The following TP63 variants were observed in gnomAD, a reference collection of about 807,000 sequenced individuals.
The protein encoded by TP63 is tumor protein p63.
TP63 carries 17 observed loss-of-function variants against 82.8 expected under a neutral mutation model. That is an observed-to-expected ratio of 0.21 (90% confidence interval 0.14 to 0.31). The LOEUF (loss-of-function observed/expected upper bound fraction) is 0.31. TP63 is among the 10% of genes least tolerant of loss of function. The pLI is 1.00. For missense variants in TP63, 648 were observed against 895.3 expected (o/e 0.72, Z 3.52); for synonymous variants, 330 against 321.7 (o/e 1.03, Z -0.28).
chr3:189,761,898 A>G (rs192616298), intron 3 of TP63, among the ~76,000 whole-genome samples: 113 of 152,332 alleles, frequency 7.4e-4, no homozygotes, highest in Non-Finnish European at 8.5e-4. Flanking sequence ...GCTTGTGCAG[A>G]GAAACCCCCG....
At chr3:189,766,415 AG>A (rs1329203944) in intron 3 of TP63, among the ~76,000 whole-genome samples, 3 of 147,642 alleles carry the variant, frequency 2.0e-5, no homozygotes, top group Admixed American at 6.7e-5. Context: ...CTTCCTAATC[AG>A]GTTTTTTTTT....
rs73057208 is a variant in TP63 at position 189,779,345 on chromosome 3, G to A, written c.325-28927G>A. 4.1e-4 allele frequency among the ~76,000 whole-genome samples: 62 copies of A among 152,128 alleles called. 1 individual carries two copies. Among genetic ancestry groups the A allele is most frequent in the Admixed American group, 1.9e-3 (29 of 15,270 alleles). ...GCCAGAAGATCTGGCTTAACCACCC[G>A]GGTCACAGAGGCACACCTACTTGGT... On this transcript the variant is annotated intron_variant, in intron 3 of 13. Transcript: ENST00000264731.
At position 189,875,611 on chromosome 3, in the gene TP63, T is replaced by TATATATATACACAC. The variant is rs1270973905; in HGVS notation, c.1349+2625_1349+2626insCACACATATATATA. On this transcript the variant is annotated intron_variant, in intron 10 of 13. Coordinates refer to ENST00000264731, the MANE Select transcript of TP63 (RefSeq NM_003722.5). Reference sequence around the variant, plus strand: ...ATACATACATATATATATATATATATATATATATATATATATATATATATA... The same window carrying TATATATATACACAC: ...ATACATACATATATATATATATATATATATATATACACACATATATATATATATATATATATATA... Among the ~76,000 whole-genome samples, 50 of 77,028 alleles carry TATATATATACACAC rather than the reference T, an allele frequency of 6.5e-4. 6 individuals are homozygous for TATATATATACACAC. The highest frequency in any genetic ancestry group is 1.4e-3 in the East Asian group (4 of 2,852). 50.5% of individuals were successfully genotyped at this position (77,028 alleles called of 152,430 possible).
intron 1 of TP63, among the ~76,000 whole-genome samples, chr3:189,719,785 G>A (rs1011342316): frequency 5.9e-5 from 9 of 152,118 alleles, no homozygotes; most frequent in South Asian, 2.1e-4. Context: ...CTTCGTGAGC[G>A]CTTTTCTTTG....
intron 4 of TP63, among the ~76,000 whole-genome samples, chr3:189,815,059 C>A (rs984463895): frequency 6.6e-6 from 1 of 152,108 alleles, no homozygotes; most frequent in Admixed American, 6.6e-5. Context: ...CCCTATTCTT[C>A]TCCTCTTCCC....
chr3:189,740,793 C>T (rs939493994), intron 3 of TP63, among the ~76,000 whole-genome samples: 1 of 152,202 alleles, frequency 6.6e-6, no homozygotes, highest in African/African-American at 2.4e-5. Flanking sequence ...AGCCACCACA[C>T]CTGTTTTTAG....
chr3:189,792,634 A>G (rs1725268547), intron 3 of TP63, among the ~76,000 whole-genome samples: 1 of 152,116 alleles, frequency 6.6e-6, no homozygotes, highest in Non-Finnish European at 1.5e-5. Context: ...TCATTTTACA[A>G]ATCAGGGTTA....
At chr3:189,665,744 A>G (rs1211397571) in intron 1 of TP63, among the ~76,000 whole-genome samples, 2 of 152,006 alleles carry the variant, frequency 1.3e-5, no homozygotes, top group South Asian at 4.1e-4. Context: ...CCTAACTAAT[A>G]CACCAATTAC....
chr3:189,781,679 A>G (rs1252822643), intron 3 of TP63, among the ~76,000 whole-genome samples: 1 of 152,174 alleles, frequency 6.6e-6, no homozygotes, highest in Admixed American at 6.5e-5. Context: ...TCCAGAAAGA[A>G]TGAGGCATCT....
chr3:189,769,599 G>A (rs1723187810), intron 3 of TP63, among the ~76,000 whole-genome samples: 1 of 152,068 alleles, frequency 6.6e-6, no homozygotes, highest in Non-Finnish European at 1.5e-5. Context: ...TGGTCTGTGA[G>A]TACAAATATG....
chr3:189,692,485 C>T (rs1273892352), intron 1 of TP63, among the ~76,000 whole-genome samples: 1 of 151,926 alleles, frequency 6.6e-6, no homozygotes, highest in Non-Finnish European at 1.5e-5. Context: ...CACCTCATTA[C>T]AAAAGGAATG....
At chr3:189,822,398 T>C (rs1197427509) in intron 4 of TP63, among the ~76,000 whole-genome samples, 1 of 152,182 alleles carries the variant, frequency 6.6e-6, no homozygotes, top group Non-Finnish European at 1.5e-5. Flanking sequence ...ATGGCTAGAT[T>C]AGCCATCCTG....
At chr3:189,701,237 C>A (rs117032082) in intron 1 of TP63, among the ~76,000 whole-genome samples, 1 of 151,986 alleles carries the variant, frequency 6.6e-6, no homozygotes, top group Non-Finnish European at 1.5e-5. Flanking sequence ...AACTCCAGTA[C>A]GTGCTCCTCA....
chr3:189,750,726 G>A lies in TP63; in HGVS notation c.324+11952G>A, dbSNP rs1330987205. On this transcript the variant is annotated intron_variant, in intron 3 of 13. Transcript: ENST00000264731. Reference sequence around the variant, plus strand: ...CATTGAGAGACGATAGTAGTAGTTAGGATGTGTAGTCATTTTTATCTTGAT... The same window carrying A: ...CATTGAGAGACGATAGTAGTAGTTAAGATGTGTAGTCATTTTTATCTTGAT... Among the ~76,000 whole-genome samples the A allele has an allele frequency of 3.3e-5, 5 of 152,150 alleles. No homozygotes were observed. The East Asian group carries it at 9.6e-4, about 29-fold the overall frequency.
chr3:189,894,459 C>T lies in TP63; in HGVS notation c.2000C>T (p.Ala667Val), dbSNP rs2108874829. Residue 667 changes from alanine to valine, a missense_variant, in exon 14 of 14, where the codon GCT (alanine) becomes GTT (valine). By Grantham distance (64) the Ala-to-Val change is moderately conservative (BLOSUM62 0). Transcript: ENST00000264731. ...AATGACTTCAACTTTGACATGGATGCTCGCCGCAATAAGCAACAGCGCATC... is the reference window on the plus strand; with the variant it reads ...AATGACTTCAACTTTGACATGGATGTTCGCCGCAATAAGCAACAGCGCATC... ...EWNDFNFDMD[A>V]RRNKQQRIKE... The T allele has an allele frequency of 1.2e-6, 2 of 1,614,052 alleles. No homozygotes were observed. The highest frequency in any genetic ancestry group is 2.2e-5 in the South Asian group (2 of 91,076).
intron 4 of TP63, among the ~76,000 whole-genome samples, chr3:189,861,066 T>C (rs1234619169): frequency 6.6e-6 from 1 of 152,066 alleles, no homozygotes; most frequent in African/African-American, 2.4e-5. Context: ...TGTATCCTTT[T>C]GGGGTTTTTG....
In TP63 at chr3:189,884,116, G is replaced by T. The variant is rs141045320; in HGVS notation, c.1350-2278G>T. Among the ~76,000 whole-genome samples the T allele has an allele frequency of 2.6e-4, 40 of 152,276 alleles. No individual in the cohort carries two copies. The East Asian group carries it at 3.5e-3, about 13-fold the overall frequency. ...CTGCATCAGGAATATGGGCTACCTG[G>T]AATCTTAGGTACTTTTCAGTGAGCA... On this transcript the variant is annotated intron_variant, in intron 10 of 13. Transcript: ENST00000264731.
intron 3 of TP63, among the ~76,000 whole-genome samples, chr3:189,754,379 G>C (rs1722032522): frequency 2.0e-5 from 3 of 151,932 alleles, no homozygotes; most frequent in Non-Finnish European, 4.4e-5. Flanking sequence ...ATATAGAATT[G>C]GATTATAAAA....
intron 1 of TP63, among the ~76,000 whole-genome samples, chr3:189,637,286 C>T (rs527798579): frequency 4.6e-5 from 7 of 152,132 alleles, no homozygotes; most frequent in Admixed American, 1.3e-4. Context: ...ATGGAAAAGA[C>T]GTTAAACAAA....
Sources: allele counts gnomAD v4.1 joint callset (sites outside exome capture counted in the v4.1 genomes callset), GRCh38; gene constraint gnomAD v4.1.1; transcripts MANE v1.5; gene names NCBI Gene and HGNC (gene_info 2026-07-23, HGNC 2026-07-21).